The following NRG3 variants were observed in gnomAD, a reference collection of about 807,000 sequenced individuals.
The protein encoded by NRG3 is neuregulin 3, also known as pro-neuregulin-3, membrane-bound isoform.
A neutral mutation model predicts 66.9 loss-of-function variants in NRG3; 31 were observed. The ratio of observed to expected loss-of-function variants is 0.46; its 90% confidence interval spans 0.35 to 0.63. The LOEUF (loss-of-function observed/expected upper bound fraction) is 0.63. Ranked by LOEUF, NRG3 falls within the 20% of genes least tolerant of loss-of-function variation. The pLI is 0.00. For missense variants in NRG3, 910 were observed against 878.9 expected (o/e 1.04, Z -0.45); for synonymous variants, 393 against 359.4 (o/e 1.09, Z -1.06).
chr10:82,121,323 A>C (rs557428994), intron 1 of NRG3, among the ~76,000 whole-genome samples: 1 of 152,172 alleles, frequency 6.6e-6, no homozygotes, highest in Non-Finnish European at 1.5e-5. Context: ...GGCATAGACT[A>C]AGGGACACAT....
At position 82,646,013 on chromosome 10, in the gene NRG3, G is replaced by A. The variant is rs969056586; in HGVS notation, c.954-92564G>A. The stretch of plus-strand genomic sequence containing the variant: ...AACGTCAGCAGTTTGGTTGGAAAAA[G>A]GCAGGGAGAATATTGAAACCATGTT... On this transcript the variant is annotated intron_variant, in intron 2 of 8. Coordinates refer to ENST00000372141, the MANE Select transcript of NRG3 (RefSeq NM_001010848.4). Among the ~76,000 whole-genome samples, 16 of 152,230 alleles carry A rather than the reference G, an allele frequency of 1.1e-4. 2 individuals carry two copies. The East Asian group carries it at 3.1e-3, about 29-fold the overall frequency.
At chr10:82,150,184 G>C (rs2070602114) in intron 1 of NRG3, among the ~76,000 whole-genome samples, 1 of 152,110 alleles carries the variant, frequency 6.6e-6, no homozygotes, top group Non-Finnish European at 1.5e-5. Context: ...TGATTTGATG[G>C]ATCAGAGGCT....
At chr10:82,792,237 G>T (rs1157530275) in intron 3 of NRG3, among the ~76,000 whole-genome samples, 1 of 152,014 alleles carries the variant, frequency 6.6e-6, no homozygotes, top group Admixed American at 6.6e-5. Context: ...TTATCATCTG[G>T]AAGTAATTAG....
intron 2 of NRG3, among the ~76,000 whole-genome samples, chr10:82,517,447 C>T (rs1364880269): frequency 6.6e-6 from 1 of 152,088 alleles, no homozygotes; most frequent in Non-Finnish European, 1.5e-5. Context: ...AGGATGTTGC[C>T]TTACTTAAAT....
intron 1 of NRG3, among the ~76,000 whole-genome samples, chr10:82,289,150 T>TCTAA (rs1410320923): frequency 6.6e-6 from 1 of 152,226 alleles, no homozygotes; most frequent in African/African-American, 2.4e-5. Flanking sequence ...TGACTTTTTC[T>TCTAA]CTAACTCTTT....
At chr10:82,927,932 A>T (rs1847175624) in intron 4 of NRG3, among the ~76,000 whole-genome samples, 1 of 152,298 alleles carries the variant, frequency 6.6e-6, no homozygotes, top group East Asian at 1.9e-4. Flanking sequence ...GTCATCCACA[A>T]TGGTTGAACT....
In NRG3 at chr10:82,589,636, T is replaced by A. The variant is rs1055743769; in HGVS notation, c.954-148941T>A. On this transcript the variant is annotated intron_variant, in intron 2 of 8. Coordinates refer to ENST00000372141, the MANE Select transcript of NRG3 (RefSeq NM_001010848.4). ...TCTAAAAAAAAATGCATTAAGTAGG[T>A]GGACAGGGGCTTTGATTTTCCCTCC... 5.3e-5 allele frequency among the ~76,000 whole-genome samples: 8 copies of A among 152,186 alleles called. No homozygotes were observed. The East Asian group carries it at 1.6e-3, about 29-fold the overall frequency.
chr10:82,674,550 A>G (rs1433462887), intron 2 of NRG3, among the ~76,000 whole-genome samples: 1 of 152,264 alleles, frequency 6.6e-6, no homozygotes, highest in East Asian at 1.9e-4. Context: ...AAGTAATTGA[A>G]TATAGTCCCC....
chr10:81,999,952 A>G (rs908042127), intron 1 of NRG3, among the ~76,000 whole-genome samples: 7 of 152,202 alleles, frequency 4.6e-5, no homozygotes, highest in Non-Finnish European at 8.8e-5. Flanking sequence ...GACAGTATTA[A>G]CTTCCTTTGC....
At chr10:82,671,165 T>C (rs1418443222) in intron 2 of NRG3, among the ~76,000 whole-genome samples, 3 of 152,222 alleles carry the variant, frequency 2.0e-5, no homozygotes, top group Non-Finnish European at 4.4e-5. Flanking sequence ...AAACCCATCA[T>C]GCTTCAGCGT....
At chr10:82,132,524 T>TATATCA (rs1564593958) in intron 1 of NRG3, among the ~76,000 whole-genome samples, 1 of 20,834 alleles carries the variant, frequency 4.8e-5, no homozygotes, top group Non-Finnish European at 1.5e-4. Context: ...ATGATATATA[T>TATATCA]GATATATATA....
At chr10:82,119,946 C>T (rs1205614155) in intron 1 of NRG3, among the ~76,000 whole-genome samples, 1 of 152,086 alleles carries the variant, frequency 6.6e-6, no homozygotes, top group African/African-American at 2.4e-5. Context: ...TGCTATTTGT[C>T]ACGACCTCTA....
chr10:82,286,006 C>T (rs2134510356), intron 1 of NRG3, among the ~76,000 whole-genome samples: 1 of 152,264 alleles, frequency 6.6e-6, no homozygotes, highest in Admixed American at 6.5e-5. Context: ...TTCTGATTTT[C>T]AACATAGAAT....
chr10:81,936,052 C>T (rs1847838359), intron 1 of NRG3, among the ~76,000 whole-genome samples: 1 of 152,010 alleles, frequency 6.6e-6, no homozygotes, highest in South Asian at 2.1e-4. Flanking sequence ...CCTGTGTTCA[C>T]CATGTAAGTG....
In NRG3 at chr10:82,487,254, C is replaced by G. The variant is rs549282798; in HGVS notation, c.953+128386C>G. ...AGAAATTGTAAGTCAGTATAAAAGC[C>G]AGATACTTCATCGTCCTGCAAGTAT... is the stretch of plus-strand genomic sequence containing the variant. On this transcript the variant is annotated intron_variant, in intron 2 of 8. Transcript: ENST00000372141. Among the ~76,000 whole-genome samples, 57 of 151,910 alleles carry G rather than the reference C, an allele frequency of 3.8e-4. 1 individual carries two copies. The highest frequency in any genetic ancestry group is 1.3e-3 in the African/African-American group (55 of 41,482).
rs369285717 is a variant in NRG3 at position 82,716,633 on chromosome 10, GC to G, written c.954-21941del. On this transcript the variant is annotated intron_variant, in intron 2 of 8. Transcript: ENST00000372141. The stretch of plus-strand genomic sequence containing the variant: ...GTTTCTTTGTCCAAACCAAAATGAG[GC>G]CCTGACTCATTTCAGGAGAGGCACT... 3.0e-4 allele frequency among the ~76,000 whole-genome samples: 46 copies of G among 152,218 alleles called. No homozygotes were observed. In the South Asian group the frequency reaches 7.0e-3, roughly 23 times the overall value.
At chr10:82,692,331 C>G (rs2055004925) in intron 2 of NRG3, among the ~76,000 whole-genome samples, 1 of 151,706 alleles carries the variant, frequency 6.6e-6, no homozygotes, top group South Asian at 2.1e-4. Context: ...TTTGTTGACT[C>G]TTTTTTGGTA....
intron 2 of NRG3, among the ~76,000 whole-genome samples, chr10:82,520,774 A>G (rs902551388): frequency 2.0e-5 from 3 of 152,194 alleles, no homozygotes; most frequent in Non-Finnish European, 1.5e-5. Context: ...ACAATGAAAT[A>G]TCAGTAGCCT....
rs76765936 is a variant in NRG3 at position 82,457,791 on chromosome 10, G to A, written c.953+98923G>A. 4.9e-4 allele frequency among the ~76,000 whole-genome samples: 74 copies of A among 152,280 alleles called. 1 individual carries two copies. The East Asian group carries it at 0.012, about 25-fold the overall frequency. On this transcript the variant is annotated intron_variant, in intron 2 of 8. Coordinates refer to ENST00000372141, the MANE Select transcript of NRG3 (RefSeq NM_001010848.4). Reference sequence around the variant, plus strand: ...TGTCAGTGAAGGTTACCGCTGCCTTGTGGAAAAGGCACTGATCACTGGAAT... The same window carrying A: ...TGTCAGTGAAGGTTACCGCTGCCTTATGGAAAAGGCACTGATCACTGGAAT...
Sources: gnomAD v4.1 joint callset for allele counts (sites outside exome capture counted in the v4.1 genomes callset) on GRCh38, gnomAD v4.1.1 for gene constraint, MANE v1.5 for transcripts, NCBI Gene and HGNC (gene_info 2026-07-23, HGNC 2026-07-21) for gene names.